DCAF12: variants seen among roughly 807,000 people sequenced by gnomAD.
The protein encoded by DCAF12 is DDB1- and CUL4-associated factor 12.
A neutral mutation model predicts 52.8 loss-of-function variants in DCAF12; 28 were observed. That is an observed-to-expected ratio of 0.53 (90% CI 0.39 to 0.73). The LOEUF (loss-of-function observed/expected upper bound fraction) is 0.73, where lower values mean the gene tolerates loss of function less well. DCAF12 is among the 30% of genes least tolerant of loss of function. The probability of loss-of-function intolerance (pLI) is 0.00; values close to 1 mark genes in which losing one functional copy is unlikely to be tolerated. For missense variants in DCAF12, 425 were observed against 552.2 expected, an observed-to-expected ratio of 0.77 and a Z score of 2.31; for synonymous variants, 196 against 215.5, an observed-to-expected ratio of 0.91 and a Z score of 0.79.
chr9:34,116,871 C>T (rs990595292), intron 2 of DCAF12, among the ~76,000 whole-genome samples: 12 of 151,962 alleles, frequency 7.9e-5, no homozygotes, highest in African/African-American at 2.7e-4. Flanking sequence ...CCCAGCTACT[C>T]GGGAGGATGA....
At chr9:34,098,149 G>A (rs144859902) in intron 5 of DCAF12, among the ~76,000 whole-genome samples, 175 bp downstream of exon 5, 5 of 152,248 alleles carry the variant, frequency 3.3e-5, no homozygotes, top group African/African-American at 1.2e-4. Flanking sequence ...TTGAAGGGGT[G>A]GGTTTCAGAG....
chr9:34,089,584 C>T lies in DCAF12; in HGVS notation c.1031G>A (p.Arg344Gln). The T allele has an allele frequency of 1.2e-6, 2 of 1,601,464 alleles. No individual in the cohort carries two copies. The highest frequency in any genetic ancestry group is 8.5e-7 in the Non-Finnish European group (1 of 1,172,482). The change falls in exon 8 of 9, where the codon CGG becomes CAG. Residue 344 changes from arginine (R) to glutamine (Q), a missense_variant. Arg to Gln is a conservative substitution (Grantham distance 43). Coordinates refer to ENST00000361264, the MANE Select transcript of DCAF12 (RefSeq NM_015397.4). ...VCSRERGSGIRSVSFYEHIIT... is the reference protein window; with the variant it reads ...VCSRERGSGIQSVSFYEHIIT... ...GATGTGCTCGTAGAAACTCACTGAC[C>T]GGATTCCTGAAAGACAGAAAAGTAA... is the stretch of plus-strand genomic sequence containing the variant.
chr9:34,089,605 AG>A lies in DCAF12; in HGVS notation c.1025-16del. ...TGACCGGATTCCTGAAAGACAGAAA[AG>A]TAAAAGGCAGTGAGGCGGGAGAGAA... On this transcript the variant is annotated splice_polypyrimidine_tract_variant and intron_variant, in intron 7 of 8. Transcript: ENST00000361264. 6.3e-7 allele frequency: 1 copy of A among 1,591,332 alleles called. No individual in the cohort carries two copies. Among genetic ancestry groups the A allele is most frequent in the Non-Finnish European group, 8.6e-7 (1 of 1,166,150 alleles).
chr9:34,114,213 G>A (rs1829050435), intron 2 of DCAF12, among the ~76,000 whole-genome samples: 1 of 152,152 alleles, frequency 6.6e-6, no homozygotes, highest in Non-Finnish European at 1.5e-5. Context: ...ATTATGTTAA[G>A]TGAAACAAGC....
chr9:34,114,508 A>C (rs1168356423), intron 2 of DCAF12, among the ~76,000 whole-genome samples: 2 of 152,170 alleles, frequency 1.3e-5, no homozygotes, highest in Admixed American at 6.5e-5. Flanking sequence ...CTGCTTCTTC[A>C]TGGGAAGAAA....
intron 8 of DCAF12, among the ~76,000 whole-genome samples, chr9:34,088,823 C>T (rs893235503): frequency 6.6e-6 from 1 of 152,100 alleles, no homozygotes; most frequent in Non-Finnish European, 1.5e-5. Context: ...GAATAATTCA[C>T]TGGAGGTGGG....
chr9:34,104,044 A>G (rs192697541), intron 4 of DCAF12, among the ~76,000 whole-genome samples: 62 of 152,072 alleles, frequency 4.1e-4, no homozygotes, highest in Middle Eastern at 3.4e-3. Context: ...CGATGCAGGC[A>G]GATCACTTGA....
chr9:34,126,313 C>T (rs1490392143), intron 1 of DCAF12, 41 bp downstream of exon 1: 5 of 1,607,310 alleles, frequency 3.1e-6, no homozygotes, highest in Non-Finnish European at 4.2e-6. Context: ...CATCTTGGTT[C>T]CTCAGCCTCA....
chr9:34,096,671 T>C (rs1367789079), intron 6 of DCAF12, 45 bp downstream of exon 6: 1 of 1,509,124 alleles, frequency 6.6e-7, no homozygotes. Flanking sequence ...ATTTTAACTG[T>C]AAGGTGAATT....
chr9:34,125,024 G>A lies in DCAF12; in HGVS notation c.332C>T (p.Thr111Met), dbSNP rs748189668. The change falls in exon 2 of 9, where the codon ACG becomes ATG. Residue 111 changes from threonine to methionine, a missense_variant and splice_region_variant. By Grantham distance (81) the Thr-to-Met change is moderately conservative (BLOSUM62 -1). Coordinates refer to ENST00000361264, the MANE Select transcript of DCAF12 (RefSeq NM_015397.4). ...GGTCACATCCCCCCAGGCACTTACC[G>A]TGTTGCATTTTGTGCCACACACCAC... ...RQVVCGTKCNTLFVVDVQTSQ... is the reference protein window; with the variant it reads ...RQVVCGTKCNMLFVVDVQTSQ... The A allele has an allele frequency of 2.5e-6, 4 of 1,612,850 alleles. No individual in the cohort carries two copies. Among genetic ancestry groups the A allele is most frequent in the Admixed American group, 1.7e-5 (1 of 60,000 alleles).
chr9:34,094,386 A>G (rs1828699790), intron 6 of DCAF12, among the ~76,000 whole-genome samples: 1 of 152,028 alleles, frequency 6.6e-6, no homozygotes, highest in African/African-American at 2.4e-5. Flanking sequence ...AGCCTGGGCA[A>G]CAAAGTGAGA....
intron 2 of DCAF12, among the ~76,000 whole-genome samples, chr9:34,111,316 T>C (rs1428025519): frequency 6.6e-6 from 1 of 152,126 alleles, no homozygotes; most frequent in Non-Finnish European, 1.5e-5. Context: ...AACATGTACT[T>C]ATCTTTCATG....
In DCAF12 at chr9:34,106,484, T is replaced by C. The variant is rs1444680049; in HGVS notation, c.551A>G (p.Lys184Arg). The C allele has an allele frequency of 6.2e-7, 1 of 1,610,798 alleles. No homozygotes were observed. The highest frequency in any genetic ancestry group is 1.1e-5 in the South Asian group (1 of 90,528). The change falls in exon 4 of 9, where the codon AAG (lysine) becomes AGG (arginine). Residue 184 changes from lysine (K) to arginine (R), a missense_variant. Coordinates refer to ENST00000361264, the MANE Select transcript of DCAF12 (RefSeq NM_015397.4). ...DPVCVGDDGHKDWIFSIAWIS... is the reference protein window; with the variant it reads ...DPVCVGDDGHRDWIFSIAWIS... ...CCATGCGATGGAAAAGATCCAGTCC[T>C]TGTGTCCATCCTTGGAGAGCAGGGA...
intron 4 of DCAF12, among the ~76,000 whole-genome samples, chr9:34,102,685 G>GCC (rs1828848201): frequency 7.7e-6 from 1 of 129,068 alleles, no homozygotes; most frequent in East Asian, 2.1e-4. Context: ...CAAAAAACAA[G>GCC]AACACTTTTC....
intron 2 of DCAF12, among the ~76,000 whole-genome samples, chr9:34,108,190 G>A (rs192981234): frequency 2.0e-5 from 3 of 152,246 alleles, no homozygotes; most frequent in Admixed American, 1.3e-4. Context: ...TTAGAGAAAT[G>A]CTTTATGGAA....
In DCAF12 at chr9:34,088,172, A is replaced by C; in HGVS notation, c.*178T>G. The C allele has an allele frequency of 1.8e-6, 1 of 547,210 alleles. No individual in the cohort carries two copies. The highest frequency in any genetic ancestry group is 3.8e-5 in the Admixed American group (1 of 26,194). The allele number at this position is 547,210 out of a possible 1,614,324, so 33.9% of individuals were successfully genotyped here. A position where few individuals can be genotyped will look rare whatever the true frequency, so the allele number is the denominator to read the frequency against. ...TTACCAAAGGGGAAAACAAAAAGCA[A>C]AACAACTTTCAGATTTCTGTACAGA... On this transcript the variant is annotated 3_prime_UTR_variant, in exon 9 of 9. Coordinates refer to ENST00000361264, the MANE Select transcript of DCAF12 (RefSeq NM_015397.4).
Position 34,108,810 on chromosome 9 carries a change from T to TA in DCAF12, c.334-1246dup, listed in dbSNP as rs1491220281. The stretch of plus-strand genomic sequence containing the variant: ...CTTGGTCTCAAAAAAAATAAATAAA[T>TA]AAATATATATATATATATATGAATG... On this transcript the variant is annotated intron_variant, in intron 2 of 8. Coordinates refer to ENST00000361264, the MANE Select transcript of DCAF12 (RefSeq NM_015397.4). Among the ~76,000 whole-genome samples the TA allele has an allele frequency of 3.1e-3, 370 of 120,392 alleles. 8 individuals carry two copies. The highest frequency in any genetic ancestry group is 4.6e-3 in the Admixed American group (53 of 11,526). The allele number at this position is 120,392 out of a possible 152,430, so 79.0% of individuals were successfully genotyped here.
chr9:34,104,056 G>A (rs1828869501), intron 4 of DCAF12, among the ~76,000 whole-genome samples: 1 of 151,960 alleles, frequency 6.6e-6, no homozygotes, highest in African/African-American at 2.4e-5. Context: ...ATCACTTGAA[G>A]TCAGGAGTTT....
At chr9:34,094,724 G>T (rs10123087) in intron 6 of DCAF12, among the ~76,000 whole-genome samples, 2,766 of 151,808 alleles carry the variant, frequency 0.018, 88 homozygotes, top group African/African-American at 0.063. Flanking sequence ...TAGAGACGGG[G>T]TTTCACCATG....
Sources: allele counts gnomAD v4.1 joint callset (sites outside exome capture counted in the v4.1 genomes callset), GRCh38; gene constraint gnomAD v4.1.1; transcripts MANE v1.5; gene names NCBI Gene and HGNC (gene_info 2026-07-23, HGNC 2026-07-21).